ESR1: variants seen among roughly 807,000 people sequenced by gnomAD.
ESR1 encodes estrogen receptor.
ESR1 carries 12 observed loss-of-function variants against 52.7 expected under a neutral mutation model. The ratio of observed to expected loss-of-function variants is 0.23; its 90% CI spans 0.15 to 0.37. ESR1 has a LOEUF of 0.37. Ranked by LOEUF, ESR1 falls within the 10% of genes least tolerant of loss-of-function variation. ESR1 has a pLI of 1.00. For synonymous variants in ESR1, 305 were observed against 316.8 expected, an observed-to-expected ratio of 0.96 and a Z score of 0.39; for missense variants, 584 against 779.7, an observed-to-expected ratio of 0.75 and a Z score of 2.99.
At chr6:151,746,019 T>C (rs1783452497) in intron 2 of ESR1, among the ~76,000 whole-genome samples, 1 of 152,194 alleles carries the variant, frequency 6.6e-6, no homozygotes, top group Non-Finnish European at 1.5e-5. Flanking sequence ...GGTTCATCCA[T>C]GTTGCAGCAC....
intron 4 of ESR1, among the ~76,000 whole-genome samples, chr6:152,005,261 A>G (rs1170278205): frequency 2.0e-5 from 3 of 152,054 alleles, no homozygotes; most frequent in Non-Finnish European, 4.4e-5. Context: ...TTCTTTGCAC[A>G]TGTATTTTAG....
At chr6:151,890,577 T>C (rs1334187337) in intron 3 of ESR1, among the ~76,000 whole-genome samples, 1 of 152,216 alleles carries the variant, frequency 6.6e-6, no homozygotes, top group Non-Finnish European at 1.5e-5. Flanking sequence ...TTGCTAAAAG[T>C]GGGGTACTGA....
At chr6:152,124,138 C>G (rs2052484398) in intron 6 of ESR1, among the ~76,000 whole-genome samples, 1 of 152,110 alleles carries the variant, frequency 6.6e-6, no homozygotes, top group Admixed American at 6.6e-5. Context: ...GCCTGGCCAA[C>G]ATGGTAAAAA....
intron 5 of ESR1, among the ~76,000 whole-genome samples, chr6:152,041,716 G>C (rs1464133783): frequency 6.6e-6 from 1 of 152,188 alleles, no homozygotes; most frequent in Non-Finnish European, 1.5e-5. Context: ...AAACTATCAA[G>C]ATCTCTCCAA....
intron 5 of ESR1, among the ~76,000 whole-genome samples, chr6:152,059,355 T>C (rs1024292802): frequency 6.6e-6 from 1 of 151,930 alleles, no homozygotes; most frequent in Non-Finnish European, 1.5e-5. Context: ...AAGCAAGACA[T>C]AATGTTCTAG....
upstream of ESR1, among the ~76,000 whole-genome samples, chr6:151,689,995 C>G (rs80123740): frequency 1.5e-3 from 223 of 152,126 alleles, 1 homozygote; most frequent in African/African-American, 4.9e-3. Context: ...GATCATATGA[C>G]AGAAGGAAGG....
At chr6:151,747,523 A>G (rs112557436) in intron 2 of ESR1, among the ~76,000 whole-genome samples, 2 of 152,222 alleles carry the variant, frequency 1.3e-5, no homozygotes, top group African/African-American at 4.8e-5. Context: ...ATCAGGTGCA[A>G]CCATGTATGT....
intron 5 of ESR1, among the ~76,000 whole-genome samples, chr6:152,018,015 G>A (rs543904603): frequency 6.6e-6 from 1 of 152,260 alleles, no homozygotes; most frequent in South Asian, 2.1e-4. Flanking sequence ...CCTTTGGCCA[G>A]AGAGTTGTTG....
At chr6:152,096,640 T>C (rs980631154) in intron 7 of ESR1, 1 of 456,010 alleles carries the variant, frequency 2.2e-6, no homozygotes, top group Admixed American at 2.3e-5. Flanking sequence ...AGAAGGTGAT[T>C]GCAATCTCTG....
intron 4 of ESR1, among the ~76,000 whole-genome samples, chr6:151,956,843 A>AATAAATAAATATATATATAT (rs1554293623): frequency 4.5e-5 from 2 of 44,466 alleles, no homozygotes; most frequent in East Asian, 6.6e-4. Flanking sequence ...AATATAAATA[A>AATAAATAAATATATATATAT]ATATATATAT....
At chr6:151,988,676 T>A (rs1356365208) in intron 4 of ESR1, among the ~76,000 whole-genome samples, 1 of 152,044 alleles carries the variant, frequency 6.6e-6, no homozygotes, top group Non-Finnish European at 1.5e-5. Context: ...CAAACCCCCA[T>A]GACACAAGTT....
chr6:151,730,573 T>A (rs1480065097), intron 2 of ESR1, among the ~76,000 whole-genome samples: 1 of 152,194 alleles, frequency 6.6e-6, no homozygotes, highest in Admixed American at 6.5e-5. Context: ...TCTTTCTTTT[T>A]TGGGGTCTAG....
exon 7 of ESR1, chr6:152,125,722 T>G (rs2053166561): frequency 5.8e-6 from 1 of 173,258 alleles, no homozygotes; most frequent in Non-Finnish European, 1.2e-5. Context: ...AGAACTTTAG[T>G]GATGGGAAGA....
At chr6:151,724,602 A>ACACG (rs1554244568) in intron 2 of ESR1, among the ~76,000 whole-genome samples, 1 of 151,940 alleles carries the variant, frequency 6.6e-6, no homozygotes, top group Admixed American at 6.5e-5. Context: ...ACACACACAC[A>ACACG]CACACTTACT....
chr6:152,117,708 G>A (rs1350795634), intron 6 of ESR1, among the ~76,000 whole-genome samples: 1 of 152,056 alleles, frequency 6.6e-6, no homozygotes, highest in Non-Finnish European at 1.5e-5. Context: ...AGCTTCCTTC[G>A]GCTGCAGAAG....
intron 2 of ESR1, among the ~76,000 whole-genome samples, chr6:151,793,790 C>T (rs1388350390): frequency 2.0e-5 from 3 of 152,118 alleles, no homozygotes; most frequent in Non-Finnish European, 2.9e-5. Flanking sequence ...GAAGTGACCT[C>T]GAAGTCTAGT....
intron 2 of ESR1, among the ~76,000 whole-genome samples, chr6:151,789,674 A>G (rs1435278800): frequency 6.6e-6 from 1 of 152,194 alleles, no homozygotes; most frequent in Non-Finnish European, 1.5e-5. Context: ...GGTCATTTCT[A>G]AGTCATAAAC....
At chr6:151,802,589 C>G (rs971491734), upstream of ESR1, among the ~76,000 whole-genome samples, 1 of 152,198 alleles carries the variant, frequency 6.6e-6, no homozygotes, top group African/African-American at 2.4e-5. Context: ...TCTTGTGAAT[C>G]ATGCTGCCAA....
rs565543513 is a variant in ESR1, at chr6:151,868,149, A to G, written c.644-12506A>G. 7.9e-5 allele frequency among the ~76,000 whole-genome samples: 12 copies of G among 151,818 alleles called. No individual in the cohort carries two copies. The East Asian group carries it at 2.3e-3, about 29-fold the overall frequency. On this transcript the variant is annotated intron_variant, in intron 2 of 7. Transcript: ENST00000206249. ...TTTTTTTGTTTGTTTGTTTTTTGAG[A>G]TGGAGTCTCGCTCTGTCACCCAGGC... is the stretch of plus-strand genomic sequence containing the variant.
Sources: gnomAD v4.1 joint callset for allele counts (sites outside exome capture counted in the v4.1 genomes callset) on GRCh38, gnomAD v4.1.1 for gene constraint, MANE v1.5 for transcripts, NCBI Gene and HGNC (gene_info 2026-07-23, HGNC 2026-07-21) for gene names.